The following SLC25A46 variants were observed in gnomAD, a reference collection of about 807,000 sequenced individuals.
SLC25A46 encodes the protein solute carrier family 25 member 46.
A neutral mutation model predicts 44.6 loss-of-function variants in SLC25A46; 39 were observed. That is an observed-to-expected ratio of 0.87 (90% confidence interval 0.68 to 1.14). The LOEUF (loss-of-function observed/expected upper bound fraction) is 1.14. Among genes scored for constraint, SLC25A46 ranks in the 50% most tolerant of loss-of-function variants. The pLI is 0.00. For missense variants in SLC25A46, 547 were observed against 522.7 expected (o/e 1.05, Z -0.45); for synonymous variants, 202 against 185.8 (o/e 1.09, Z -0.71).
chr5:110,758,917 C>T (rs1800179133), intron 7 of SLC25A46, among the ~76,000 whole-genome samples: 1 of 152,118 alleles, frequency 6.6e-6, no homozygotes, highest in Non-Finnish European at 1.5e-5. Context: ...TTCATATTGA[C>T]TCATATTCCC....
Position 110,739,428 on chromosome 5 carries a change from G to A in SLC25A46, c.283+26G>A, listed in dbSNP as rs559033284. On this transcript the variant is annotated intron_variant, in intron 1 of 7. Coordinates refer to ENST00000355943, the MANE Select transcript of SLC25A46 (RefSeq NM_138773.4). Reference sequence around the variant, plus strand: ...GTGAGAAGCATGGGGACCGACACAGGGATGAGGGGTTACTGGGGCCGCGGC... The same window carrying A: ...GTGAGAAGCATGGGGACCGACACAGAGATGAGGGGTTACTGGGGCCGCGGC... 8.5e-4 allele frequency: 1,283 copies of A among 1,515,760 alleles called. 3 individuals carry two copies. The Middle Eastern group carries it at 0.012, about 14-fold the overall frequency. The allele number at this position is 1,515,760 out of a possible 1,614,324, so 93.9% of individuals were successfully genotyped here. A position where few individuals can be genotyped will look rare whatever the true frequency, so the allele number is the denominator to read the frequency against.
chr5:110,761,019 G>C lies in SLC25A46; in HGVS notation c.679-185G>C, dbSNP rs1471517699. On this transcript the variant is annotated intron_variant, in intron 7 of 7. Coordinates refer to ENST00000355943, the MANE Select transcript of SLC25A46 (RefSeq NM_138773.4). The surrounding 1 kb of genome is among the most constrained non-coding windows in gnomAD (Gnocchi z 5.3). ...AGATTAGCTCCCAACTTCACTGCTA[G>C]CAATTTTATGAGATTTCATTTGAAA... 6.6e-6 allele frequency among the ~76,000 whole-genome samples: 1 copy of C among 151,924 alleles called. No homozygotes were observed. Among genetic ancestry groups the C allele is most frequent in the Non-Finnish European group, 1.5e-5 (1 of 67,976 alleles).
chr5:110,741,709 A>C (rs1799692994), intron 1 of SLC25A46: 1 of 174,518 alleles, frequency 5.7e-6, no homozygotes, highest in African/African-American at 2.4e-5. Context: ...CAGGACTTTA[A>C]AATTGGAAGC....
At position 110,741,779 on chromosome 5, in the gene SLC25A46, C is replaced by G. The variant is rs556804432; in HGVS notation, c.284-268C>G. 48 of 294,610 alleles carry G rather than the reference C, an allele frequency of 1.6e-4. No individual in the cohort carries two copies. The South Asian group carries it at 5.0e-3, about 31-fold the overall frequency. 18.2% of individuals were successfully genotyped at this position (294,610 alleles called of 1,614,324 possible). A position where few individuals can be genotyped will look rare whatever the true frequency, so the allele number is the denominator to read the frequency against. On this transcript the variant is annotated intron_variant, in intron 1 of 7. Transcript: ENST00000355943. ...AATTACAACTTCAAAACCCTGGGCC[C>G]ACACTCTAATGTGGCAACAATGAAT... is the stretch of plus-strand genomic sequence containing the variant.
chr5:110,739,469 CCCGGAA>C, intron 1 of SLC25A46, 67 bp downstream of exon 1: 1 of 1,489,038 alleles, frequency 6.7e-7, no homozygotes, highest in Non-Finnish European at 8.8e-7. Context: ...GCCTGCAGAC[CCCGGAA>C]GCGGCGCAGA....
chr5:110,738,968 C>G, upstream of SLC25A46: 2 of 1,448,812 alleles, frequency 1.4e-6, no homozygotes, highest in Non-Finnish European at 1.8e-6. Flanking sequence ...ATCACGTGCT[C>G]CGAAGACTTC....
chr5:110,753,333 AT>A (rs2150414121), intron 5 of SLC25A46: 1 of 142,516 alleles, frequency 7.0e-6, no homozygotes, highest in East Asian at 2.1e-4. Flanking sequence ...TAGGATAGCT[AT>A]TTGACCATTT....
intron 7 of SLC25A46, among the ~76,000 whole-genome samples, chr5:110,759,629 C>G (rs1048133993): frequency 3.9e-5 from 6 of 151,932 alleles, no homozygotes; most frequent in Admixed American, 3.9e-4. Context: ...GAGATGAGGC[C>G]TGAGTGGTAA....
At chr5:110,748,867 T>TA (rs1439584031) in intron 5 of SLC25A46, among the ~76,000 whole-genome samples, 1 of 152,188 alleles carries the variant, frequency 6.6e-6, no homozygotes, top group Non-Finnish European at 1.5e-5. Context: ...TACATTAAAA[T>TA]ACGATTGTGC....
At chr5:110,744,770 G>T (rs1448194299) in intron 3 of SLC25A46, among the ~76,000 whole-genome samples, 3 of 152,128 alleles carry the variant, frequency 2.0e-5, no homozygotes, top group Admixed American at 6.5e-5. Flanking sequence ...GTCCGTCAAT[G>T]AGTTTTTCTA....
chr5:110,747,616 G>A (rs1395659906), intron 4 of SLC25A46, among the ~76,000 whole-genome samples: 35 of 152,102 alleles, frequency 2.3e-4, no homozygotes, highest in Admixed American at 2.1e-3. Flanking sequence ...AGTGAAACTT[G>A]TAGTCAAATT....
intron 1 of SLC25A46, among the ~76,000 whole-genome samples, chr5:110,740,825 G>A (rs1337705764): frequency 6.6e-6 from 1 of 152,162 alleles, no homozygotes; most frequent in African/African-American, 2.4e-5. Context: ...GGTGGCGGAT[G>A]CCTGTAGTCC....
chr5:110,759,044 T>C (rs1416862068), intron 7 of SLC25A46, among the ~76,000 whole-genome samples: 1 of 152,188 alleles, frequency 6.6e-6, no homozygotes, highest in Non-Finnish European at 1.5e-5. Context: ...AATGTATCAA[T>C]TGTTTATTGA....
At chr5:110,746,422 A>G in intron 4 of SLC25A46, 76 bp downstream of exon 4, 1 of 971,386 alleles carries the variant, frequency 1.0e-6, no homozygotes, top group Non-Finnish European at 1.5e-6. Flanking sequence ...AAGCAAGAAT[A>G]ATTACTTTCA....
In SLC25A46 at chr5:110,739,255, C is replaced by G. The variant is rs755431213; in HGVS notation, c.136C>G (p.Pro46Ala). 1 of 1,584,214 alleles carries G rather than the reference C, an allele frequency of 6.3e-7. No individual in the cohort carries two copies. Among genetic ancestry groups the G allele is most frequent in the East Asian group, 2.3e-5 (1 of 43,544 alleles). ...GGACCTGGGCCACTGGGTGACGACT[C>G]CCCCAGATATCCCCGGCAGCCGCAA... Reference protein sequence around the residue: ...GSDLGHWVTTPPDIPGSRNLH... With the variant: ...GSDLGHWVTTAPDIPGSRNLH... The change falls in exon 1 of 8, where the codon CCC (proline) becomes GCC (alanine). Residue 46 changes from proline (P) to alanine (A), a missense_variant. Physicochemically the swap from Pro to Ala is conservative, Grantham distance 27. Coordinates refer to ENST00000355943, the MANE Select transcript of SLC25A46 (RefSeq NM_138773.4).
rs536307207 is a variant in SLC25A46 at position 110,760,334 on chromosome 5, T to C, written c.679-870T>C. On this transcript the variant is annotated intron_variant, in intron 7 of 7. Coordinates refer to ENST00000355943, the MANE Select transcript of SLC25A46 (RefSeq NM_138773.4). ...CATCATCTCTTTGTTACTGGAATCA[T>C]TCCAGTAACTTTTGAACTGGTTTCT... Among the ~76,000 whole-genome samples the C allele has an allele frequency of 9.2e-5, 14 of 152,272 alleles. No individual in the cohort carries two copies. In the East Asian group the frequency reaches 2.5e-3, roughly 27 times the overall value.
At chr5:110,742,265 T>C (rs1320241120) in intron 2 of SLC25A46, among the ~76,000 whole-genome samples, 176 bp downstream of exon 2, 1 of 152,134 alleles carries the variant, frequency 6.6e-6, no homozygotes, top group East Asian at 1.9e-4. Context: ...AAATATATAA[T>C]TTGATAGTTT....
chr5:110,738,536 A>G (rs928440076), upstream of SLC25A46, among the ~76,000 whole-genome samples: 1 of 152,088 alleles, frequency 6.6e-6, no homozygotes, highest in South Asian at 2.1e-4. Flanking sequence ...GGGCGGTACC[A>G]TATCTCTCAA....
Position 110,761,222 on chromosome 5 carries a change from A to G in SLC25A46, c.697A>G (p.Asn233Asp), listed in dbSNP as rs1311685038. The G allele has an allele frequency of 6.2e-7, 1 of 1,600,192 alleles. No individual in the cohort carries two copies. The highest frequency in any genetic ancestry group is 1.3e-5 in the African/African-American group (1 of 74,092). ...ETVQSEIIRD[N>D]TGILECVKEG... is the part of the protein sequence containing the mutation. ...ATTTCAGAGTGAGATAATTCGAGAT[A>G]ATACTGGCATTTTGGAGTGTGTTAA... Residue 233 changes from asparagine to aspartate, a missense_variant, in exon 8 of 8, where the codon AAT becomes GAT. Asn to Asp is a conservative substitution (Grantham distance 23). Transcript: ENST00000355943. The surrounding 1 kb of genome is among the most constrained non-coding windows in gnomAD (Gnocchi z 5.3).
Sources: allele counts gnomAD v4.1 joint callset (sites outside exome capture counted in the v4.1 genomes callset), GRCh38; gene constraint gnomAD v4.1.1; non-coding constraint Gnocchi (gnomAD v3.1); transcripts MANE v1.5; gene names NCBI Gene and HGNC (gene_info 2026-07-23, HGNC 2026-07-21).